Variants in PLCB4 observed in about 807,000 individuals in gnomAD.
The protein encoded by PLCB4 is phospholipase C beta 4.
PLCB4 carries 77 observed loss-of-function variants against 178.8 expected under a neutral mutation model. That is an observed-to-expected ratio of 0.43 (90% CI 0.36 to 0.52). The LOEUF is 0.52. Ranked by LOEUF, PLCB4 falls within the 20% of genes least tolerant of loss-of-function variation. The pLI, the probability that PLCB4 is intolerant of heterozygous loss-of-function variation, is 0.00. For missense variants in PLCB4, 1,024 were observed against 1,453.4 expected (o/e 0.70, Z 4.80); for synonymous variants, 496 against 490.8 (o/e 1.01, Z -0.14).
At position 9,355,867 on chromosome 20, in the gene PLCB4, A is replaced by G. The variant is rs535356260; in HGVS notation, c.370-7029A>G. Among the ~76,000 whole-genome samples the G allele has an allele frequency of 2.6e-3, 399 of 152,212 alleles. 1 individual carries two copies. The highest frequency in any genetic ancestry group is 7.7e-3 in the South Asian group (37 of 4,820). On this transcript the variant is annotated intron_variant, in intron 7 of 39. Transcript: ENST00000378473. ...TCTAGTTCTAGATCCCTGAGGAATC[A>G]CCACACTGACTTCCACAATGGTTGA...
intron 3 of PLCB4, among the ~76,000 whole-genome samples, chr20:9,234,852 A>G (rs2093975692): frequency 6.6e-6 from 1 of 152,182 alleles, no homozygotes; most frequent in Non-Finnish European, 1.5e-5. Context: ...GTAAATACCC[A>G]AAGAAGGGTT....
intron 3 of PLCB4, among the ~76,000 whole-genome samples, chr20:9,258,275 C>T (rs1015910086): frequency 1.8e-4 from 27 of 152,134 alleles, no homozygotes; most frequent in African/African-American, 6.3e-4. Flanking sequence ...AGATAATATG[C>T]ATGTATAATC....
At chr20:9,112,399 C>T (rs1047174895) in intron 2 of PLCB4, among the ~76,000 whole-genome samples, 7 of 151,810 alleles carry the variant, frequency 4.6e-5, no homozygotes, top group Admixed American at 3.3e-4. Flanking sequence ...GGATTACAGG[C>T]ACGGGCCACC....
chr20:9,141,007 G>A (rs1402411249), intron 2 of PLCB4, among the ~76,000 whole-genome samples: 1 of 152,112 alleles, frequency 6.6e-6, no homozygotes, highest in African/African-American at 2.4e-5. Flanking sequence ...CATCCCCATT[G>A]GTGATACCAT....
intron 3 of PLCB4, among the ~76,000 whole-genome samples, chr20:9,266,331 G>A (rs1466643593): frequency 6.6e-6 from 1 of 152,120 alleles, no homozygotes; most frequent in African/African-American, 2.4e-5. Context: ...TAATTCATTT[G>A]CAGTTAAAGT....
chr20:9,219,874 G>A (rs1017696314), intron 3 of PLCB4, among the ~76,000 whole-genome samples: 1 of 152,164 alleles, frequency 6.6e-6, no homozygotes, highest in African/African-American at 2.4e-5. Flanking sequence ...ACGGTGAGCA[G>A]CTCTGACTCT....
At chr20:9,427,193 C>G (rs1005228930) in intron 28 of PLCB4, among the ~76,000 whole-genome samples, 1 of 152,166 alleles carries the variant, frequency 6.6e-6, no homozygotes, top group African/African-American at 2.4e-5. Context: ...CCACCGCACT[C>G]CAGCCTGGTT....
intron 7 of PLCB4, among the ~76,000 whole-genome samples, chr20:9,358,847 C>T (rs1236809561): frequency 1.3e-5 from 2 of 151,826 alleles, no homozygotes; most frequent in East Asian, 1.9e-4. Context: ...TGCAGTGAAC[C>T]GAGATCCCAC....
chr20:9,476,082 A>G (rs1017176439), intron 38 of PLCB4, among the ~76,000 whole-genome samples: 1 of 152,184 alleles, frequency 6.6e-6, no homozygotes, highest in African/African-American at 2.4e-5. Flanking sequence ...CTCCCCTTCC[A>G]AAGCAAGGCC....
intron 3 of PLCB4, among the ~76,000 whole-genome samples, chr20:9,264,170 T>C (rs1201007948): frequency 1.3e-5 from 2 of 152,150 alleles, no homozygotes; most frequent in Non-Finnish European, 2.9e-5. Context: ...AATTCAGAAA[T>C]CCATGCCATT....
chr20:9,201,002 A>G (rs1014085643), intron 2 of PLCB4, among the ~76,000 whole-genome samples: 1 of 152,252 alleles, frequency 6.6e-6, no homozygotes, highest in Admixed American at 6.5e-5. Context: ...AGCAGAAGGC[A>G]GGTAAACATG....
At chr20:9,346,481 C>T (rs2033807001) in intron 7 of PLCB4, among the ~76,000 whole-genome samples, 1 of 152,168 alleles carries the variant, frequency 6.6e-6, no homozygotes, top group African/African-American at 2.4e-5. Context: ...CCCCAGTATA[C>T]TAATTAATAA....
At chr20:9,473,425 GCCAT>G in intron 38 of PLCB4, 60 bp downstream of exon 38, 1 of 926,220 alleles carries the variant, frequency 1.1e-6, no homozygotes. Context: ...GGATACACAT[GCCAT>G]GGCCCACAGT....
Position 9,445,003 on chromosome 20 carries a change from T to C in PLCB4, c.2880+760T>C, listed in dbSNP as rs544571682. Among the ~76,000 whole-genome samples, 3 of 152,298 alleles carry C rather than the reference T, an allele frequency of 2.0e-5. No individual in the cohort carries two copies. The South Asian group carries it at 6.2e-4, about 32-fold the overall frequency. ...CTTGCCCAGTAGCCTACTTCTGAAA[T>C]AGATTTATTTTTGCTTTTTACCCAT... On this transcript the variant is annotated intron_variant, in intron 32 of 39. Transcript: ENST00000378473.
chr20:9,210,514 G>A (rs1464876761), intron 2 of PLCB4, among the ~76,000 whole-genome samples: 1 of 152,174 alleles, frequency 6.6e-6, no homozygotes, highest in Non-Finnish European at 1.5e-5. Context: ...GTGCTCTGGA[G>A]GGCGGGGGCT....
At chr20:9,466,436 A>T (rs536171784) in intron 35 of PLCB4, among the ~76,000 whole-genome samples, 84 of 152,358 alleles carry the variant, frequency 5.5e-4, no homozygotes, top group African/African-American at 2.0e-3. Context: ...GACAAATGGG[A>T]TCTAATTAAA....
chr20:9,109,732 G>C lies in PLCB4; in HGVS notation c.-79+13390G>C, dbSNP rs576768262. Among the ~76,000 whole-genome samples, 99 of 152,164 alleles carry C rather than the reference G, an allele frequency of 6.5e-4. 2 individuals carry two copies. The highest frequency in any genetic ancestry group is 3.4e-3 in the Middle Eastern group (1 of 294). The stretch of plus-strand genomic sequence containing the variant: ...AAGATTTGTGTGCCAGCCACAGATG[G>C]ACTAAGTTCGTTCTCACATAAATAT... On this transcript the variant is annotated intron_variant, in intron 2 of 39. Coordinates refer to ENST00000378473, the MANE Select transcript of PLCB4 (RefSeq NM_001377142.1).
At chr20:9,472,756 C>G (rs772109426) in intron 36 of PLCB4, 34 bp from the exon 37 acceptor site, 1 of 1,358,270 alleles carries the variant, frequency 7.4e-7, no homozygotes, top group Non-Finnish European at 1.0e-6. Context: ...CATTCAATGT[C>G]ATACCAACCG....
intron 7 of PLCB4, among the ~76,000 whole-genome samples, chr20:9,341,469 A>C (rs1332021992): frequency 4.6e-5 from 7 of 152,222 alleles, no homozygotes; most frequent in Non-Finnish European, 1.0e-4. Context: ...AATGTTAATA[A>C]GAAAATCATA....
Sources: allele counts gnomAD v4.1 joint callset (sites outside exome capture counted in the v4.1 genomes callset), GRCh38; gene constraint gnomAD v4.1.1; transcripts MANE v1.5; gene names NCBI Gene and HGNC (gene_info 2026-07-23, HGNC 2026-07-21).